The following AGBL1 variants were observed in gnomAD, a reference collection of about 807,000 sequenced individuals.
The protein encoded by AGBL1 is cytosolic carboxypeptidase 4.
In AGBL1, 130 loss-of-function variants were observed where a neutral mutation model predicts 118.9. The ratio of observed to expected loss-of-function variants is 1.09; its 90% CI spans 0.95 to 1.26. The LOEUF (loss-of-function observed/expected upper bound fraction) is 1.26. AGBL1 is among the 50% of genes most tolerant of loss of function. The pLI is 0.00. For missense variants in AGBL1, 1,584 were observed against 1,298.1 expected (o/e 1.22, Z -3.38); for synonymous variants, 555 against 478.9 (o/e 1.16, Z -2.08).
intron 17 of AGBL1, among the ~76,000 whole-genome samples, chr15:86,367,867 G>T (rs991789613): frequency 1.3e-5 from 2 of 152,154 alleles, no homozygotes; most frequent in African/African-American, 4.8e-5. Context: ...TTGAAATGTT[G>T]AGGAAGACTT....
At chr15:86,509,176 G>A (rs1175546248) in intron 18 of AGBL1, among the ~76,000 whole-genome samples, 1 of 152,082 alleles carries the variant, frequency 6.6e-6, no homozygotes, top group Non-Finnish European at 1.5e-5. Context: ...GTTTTCTCAA[G>A]GAATTTTAGA....
intron 11 of AGBL1, among the ~76,000 whole-genome samples, chr15:86,265,902 C>G (rs570159788): frequency 4.6e-5 from 7 of 152,242 alleles, no homozygotes; most frequent in African/African-American, 1.7e-4. Flanking sequence ...GAAGATTGAC[C>G]TTAGCCTACC....
At chr15:86,113,548 A>T (rs1404340922) in intron 1 of AGBL1, among the ~76,000 whole-genome samples, 1 of 151,796 alleles carries the variant, frequency 6.6e-6, no homozygotes, top group Non-Finnish European at 1.5e-5. Context: ...GGCCTCCCAA[A>T]GTGCTGGGAT....
intron 21 of AGBL1, among the ~76,000 whole-genome samples, chr15:86,585,377 TTTA>T (rs1176382134): frequency 7.9e-6 from 1 of 127,308 alleles, no homozygotes; most frequent in Non-Finnish European, 1.8e-5. Context: ...CAGAACTCCT[TTTA>T]TTGTTTTCTT....
chr15:86,442,306 G>C (rs1230124053), intron 18 of AGBL1, among the ~76,000 whole-genome samples: 1 of 152,198 alleles, frequency 6.6e-6, no homozygotes, highest in Non-Finnish European at 1.5e-5. Flanking sequence ...ATAATGGAAT[G>C]AGCCTGAGCC....
chr15:87,003,931 A>AT (rs373111453), intron 24 of AGBL1, among the ~76,000 whole-genome samples: 15,036 of 151,946 alleles, frequency 0.099, 1,330 homozygotes, highest in African/African-American at 0.23. Flanking sequence ...GGATTCATTG[A>AT]TTTTTTTGAA....
intron 1 of AGBL1, chr15:86,105,133 TTTGG>T (rs1896977430): frequency 6.6e-6 from 1 of 152,202 alleles, no homozygotes; most frequent in Non-Finnish European, 1.5e-5. Flanking sequence ...TACTTGCTAT[TTTGG>T]TTCTTCTTTG....
intron 9 of AGBL1, among the ~76,000 whole-genome samples, chr15:86,260,790 G>A (rs188756358): frequency 4.6e-5 from 7 of 152,314 alleles, no homozygotes; most frequent in African/African-American, 1.7e-4. Context: ...TGGAACAAGA[G>A]CCAGAAAGCA....
At chr15:86,129,404 T>C (rs1206857428) in intron 1 of AGBL1, among the ~76,000 whole-genome samples, 2 of 152,182 alleles carry the variant, frequency 1.3e-5, no homozygotes, top group Admixed American at 6.5e-5. Flanking sequence ...GGAGGCTCCA[T>C]AAAGCTCCAA....
At chr15:86,478,365 A>T (rs1053874989) in intron 18 of AGBL1, among the ~76,000 whole-genome samples, 2 of 152,248 alleles carry the variant, frequency 1.3e-5, no homozygotes, top group Non-Finnish European at 2.9e-5. Flanking sequence ...CCTTAAGCTG[A>T]TAAGCAACTT....
chr15:86,705,017 C>G (rs2086423059), intron 22 of AGBL1, among the ~76,000 whole-genome samples: 1 of 152,114 alleles, frequency 6.6e-6, no homozygotes, highest in African/African-American at 2.4e-5. Context: ...TCATTCTCAG[C>G]AAACTAACAC....
chr15:86,494,931 G>A (rs1172732896), intron 18 of AGBL1, among the ~76,000 whole-genome samples: 3 of 141,324 alleles, frequency 2.1e-5, no homozygotes, highest in African/African-American at 5.0e-5. Flanking sequence ...ACATTTTTAC[G>A]TATTTGCTTC....
At chr15:86,621,192 G>A (rs1230924027) in intron 21 of AGBL1, among the ~76,000 whole-genome samples, 1 of 152,130 alleles carries the variant, frequency 6.6e-6, no homozygotes, top group Non-Finnish European at 1.5e-5. Flanking sequence ...TTCCTTAATT[G>A]TTATAATATG....
At position 86,217,007 on chromosome 15, in the gene AGBL1, T is replaced by G. The variant is rs1214988069; in HGVS notation, c.489-7907T>G. ...TGACAACCACTTCCTCTCCATATTT[T>G]TATTTATATGTTGCTTTATCAAAGA... On this transcript the variant is annotated intron_variant, in intron 5 of 22. Coordinates refer to ENST00000614907, the MANE Select transcript of AGBL1 (RefSeq NM_001386094.1). Among the ~76,000 whole-genome samples the G allele has an allele frequency of 2.6e-5, 4 of 152,212 alleles. No homozygotes were observed. In the South Asian group the frequency reaches 8.3e-4, roughly 32 times the overall value.
chr15:86,655,626 A>C (rs2085451113), intron 21 of AGBL1, among the ~76,000 whole-genome samples: 1 of 152,224 alleles, frequency 6.6e-6, no homozygotes. Flanking sequence ...ATATGTTGAC[A>C]AAAAGAACAT....
chr15:86,505,805 AT>A (rs1314241319), intron 18 of AGBL1, among the ~76,000 whole-genome samples: 20 of 151,730 alleles, frequency 1.3e-4, no homozygotes, highest in Admixed American at 1.3e-3. Context: ...TAGCTGTTAT[AT>A]TTTCTGTGTA....
intron 5 of AGBL1, among the ~76,000 whole-genome samples, chr15:86,214,798 G>A (rs1466113159): frequency 1.3e-5 from 2 of 152,226 alleles, no homozygotes; most frequent in Non-Finnish European, 2.9e-5. Flanking sequence ...GGCCCTCCCA[G>A]CCTCGATTGT....
At chr15:86,477,242 T>A (rs1241000775) in intron 18 of AGBL1, among the ~76,000 whole-genome samples, 3 of 127,460 alleles carry the variant, frequency 2.4e-5, no homozygotes, top group Non-Finnish European at 1.7e-5. Context: ...AGAGTAGAAC[T>A]GAAGGAGATA....
chr15:86,645,342 G>C (rs1036948526), intron 21 of AGBL1, among the ~76,000 whole-genome samples: 3 of 152,182 alleles, frequency 2.0e-5, no homozygotes, highest in African/African-American at 7.2e-5. Flanking sequence ...GGAAGGACAG[G>C]TTGGTGTCCA....
Sources: gnomAD v4.1 joint callset for allele counts (sites outside exome capture counted in the v4.1 genomes callset) on GRCh38, gnomAD v4.1.1 for gene constraint, MANE v1.5 for transcripts, NCBI Gene and HGNC (gene_info 2026-07-23, HGNC 2026-07-21) for gene names.